BICD1: variants seen among roughly 807,000 people sequenced by gnomAD.
BICD1 encodes protein bicaudal D homolog 1.
Under a neutral mutation model 92.5 loss-of-function variants are expected in BICD1, and 35 were observed. The observed-to-expected ratio is 0.38, with a 90% CI of 0.29 to 0.50. The LOEUF is 0.50. BICD1 is among the 20% of genes least tolerant of loss of function. BICD1 has a pLI of 0.93. For synonymous variants in BICD1, 429 were observed against 465.1 expected, an observed-to-expected ratio of 0.92 and a Z score of 1.00; for missense variants, 950 against 1,189.8, an observed-to-expected ratio of 0.80 and a Z score of 2.97.
At chr12:32,290,947 A>G (rs1565645822) in intron 2 of BICD1, among the ~76,000 whole-genome samples, 2 of 152,212 alleles carry the variant, frequency 1.3e-5, no homozygotes, top group Admixed American at 6.5e-5. Context: ...TCTTTACACC[A>G]CAGTCAACAA....
Position 32,218,888 on chromosome 12 carries a change from A to C in BICD1, c.426+2429A>C, listed in dbSNP as rs184071477. On this transcript the variant is annotated intron_variant, in intron 2 of 9. Coordinates refer to ENST00000652176, the MANE Select transcript of BICD1 (RefSeq NM_001714.4). ...AGATACATTTTATTTTGCTGTACCTAAGAGAATTATTATTAACATTTAGAG... is the reference window on the plus strand; with the variant it reads ...AGATACATTTTATTTTGCTGTACCTCAGAGAATTATTATTAACATTTAGAG... Among the ~76,000 whole-genome samples the C allele has an allele frequency of 2.1e-3, 314 of 152,324 alleles. 2 individuals carry two copies. Among genetic ancestry groups the C allele is most frequent in the African/African-American group, 7.2e-3 (301 of 41,564 alleles).
intron 1 of BICD1, chr12:32,107,903 A>AT: frequency 1.7e-6 from 1 of 577,138 alleles, no homozygotes; most frequent in Non-Finnish European, 3.1e-6. Flanking sequence ...TTCAGCGACA[A>AT]TTTCGTAGTC....
intron 1 of BICD1, among the ~76,000 whole-genome samples, chr12:32,129,674 ACT>A (rs764443204): frequency 6.6e-6 from 1 of 151,724 alleles, no homozygotes; most frequent in Non-Finnish European, 1.5e-5. Context: ...CTGGCCTAAA[ACT>A]CTTTCTTCAA....
At chr12:32,306,790 G>C (rs1258048063) in intron 4 of BICD1, among the ~76,000 whole-genome samples, 2 of 151,646 alleles carry the variant, frequency 1.3e-5, no homozygotes. Flanking sequence ...TGAAGCGGGC[G>C]GATCACCTGA....
intron 1 of BICD1, among the ~76,000 whole-genome samples, chr12:32,214,599 C>A (rs1336352979): frequency 2.0e-5 from 3 of 152,114 alleles, no homozygotes; most frequent in Non-Finnish European, 4.4e-5. Context: ...TACTTATTTG[C>A]TCAACCCTAG....
chr12:32,135,488 C>T (rs1447455884), intron 1 of BICD1, among the ~76,000 whole-genome samples: 2 of 52,872 alleles, frequency 3.8e-5, no homozygotes, highest in Admixed American at 2.7e-4. Context: ...GCAGCCTAGA[C>T]CTGCTGGGTT....
intron 3 of BICD1, among the ~76,000 whole-genome samples, chr12:32,302,654 G>A (rs1440628351): frequency 6.6e-6 from 1 of 152,150 alleles, no homozygotes; most frequent in Non-Finnish European, 1.5e-5. Flanking sequence ...AAGTAATGTA[G>A]TTGATATGTA....
chr12:32,120,577 GC>G (rs758124193), intron 1 of BICD1, among the ~76,000 whole-genome samples: 1 of 152,110 alleles, frequency 6.6e-6, no homozygotes, highest in African/African-American at 2.4e-5. Flanking sequence ...AGAAGGATGG[GC>G]CCTGTTGATA....
intron 1 of BICD1, among the ~76,000 whole-genome samples, chr12:32,169,493 G>A (rs1311286091): frequency 3.9e-5 from 6 of 151,912 alleles, no homozygotes; most frequent in African/African-American, 1.5e-4. Context: ...TGCCCAGGCT[G>A]GTCTCAGACT....
chr12:32,195,440 C>A (rs1944700215), intron 1 of BICD1, among the ~76,000 whole-genome samples: 1 of 152,180 alleles, frequency 6.6e-6, no homozygotes, highest in Non-Finnish European at 1.5e-5. Flanking sequence ...CCACTAGGGT[C>A]ACTGGGACAG....
intron 9 of BICD1, among the ~76,000 whole-genome samples, chr12:32,372,521 T>C (rs140741339): frequency 1.3e-5 from 2 of 152,288 alleles, no homozygotes; most frequent in East Asian, 3.9e-4. Context: ...TTTATACATA[T>C]ATTCAAACAG....
intron 8 of BICD1, among the ~76,000 whole-genome samples, chr12:32,342,927 TACTGATC>T (rs1480010701): frequency 6.6e-6 from 1 of 152,218 alleles, no homozygotes; most frequent in Non-Finnish European, 1.5e-5. Context: ...TAATGCATTA[TACTGATC>T]GGTTTGCTGC....
intron 1 of BICD1, among the ~76,000 whole-genome samples, chr12:32,123,614 C>T (rs931995693): frequency 1.3e-5 from 2 of 152,144 alleles, no homozygotes; most frequent in Non-Finnish European, 2.9e-5. Flanking sequence ...CAGTGGCGCA[C>T]GCCGGTAATC....
At chr12:32,209,408 AT>A (rs1457375914) in intron 1 of BICD1, among the ~76,000 whole-genome samples, 1 of 152,224 alleles carries the variant, frequency 6.6e-6, no homozygotes, top group Non-Finnish European at 1.5e-5. Context: ...TATTTTCGTT[AT>A]TGCTGTTGAG....
At chr12:32,225,622 T>TTTTTTTTTTTTG (rs1945661262) in intron 2 of BICD1, among the ~76,000 whole-genome samples, 1 of 8,776 alleles carries the variant, frequency 1.1e-4, no homozygotes, top group South Asian at 2.8e-3. Context: ...TTTTTTTCTG[T>TTTTTTTTTTTTG]TTTTTTTTTT....
chr12:32,202,583 T>C (rs1944937608), intron 1 of BICD1, among the ~76,000 whole-genome samples: 1 of 152,180 alleles, frequency 6.6e-6, no homozygotes, highest in Admixed American at 6.5e-5. Flanking sequence ...CCAGTTATGA[T>C]GCAGATATTT....
intron 1 of BICD1, among the ~76,000 whole-genome samples, chr12:32,209,154 A>G (rs1945144285): frequency 6.6e-6 from 1 of 152,224 alleles, no homozygotes; most frequent in African/African-American, 2.4e-5. Flanking sequence ...ATAAGGATGA[A>G]TCATTAGAAG....
chr12:32,340,621 T>A, intron 8 of BICD1: 1 of 654,892 alleles, frequency 1.5e-6, no homozygotes, highest in Non-Finnish European at 1.9e-6. Context: ...ACTGTTTTCA[T>A]TTTTGTATGA....
chr12:32,173,301 C>T lies in BICD1; in HGVS notation c.214-42946C>T, dbSNP rs150653252. 5.3e-5 allele frequency among the ~76,000 whole-genome samples: 8 copies of T among 152,280 alleles called. No individual in the cohort carries two copies. In the East Asian group the frequency reaches 1.4e-3, roughly 26 times the overall value. On this transcript the variant is annotated intron_variant, in intron 1 of 9. Coordinates refer to ENST00000652176, the MANE Select transcript of BICD1 (RefSeq NM_001714.4). ...CCGAGCTCAGGCAATCCGCCCGCCT[C>T]GGCCTCCCAAAGTGCCGGGATTACA...
Sources: allele counts gnomAD v4.1 joint callset (sites outside exome capture counted in the v4.1 genomes callset), GRCh38; gene constraint gnomAD v4.1.1; transcripts MANE v1.5; gene names NCBI Gene and HGNC (gene_info 2026-07-23, HGNC 2026-07-21).